The following ANKRD30B variants were observed in gnomAD, a reference collection of about 807,000 sequenced individuals.
The protein encoded by ANKRD30B is ankyrin repeat domain-containing protein 30B.
In ANKRD30B, 144 loss-of-function variants were observed where a neutral mutation model predicts 202.2. The observed-to-expected ratio is 0.71, with a 90% CI of 0.62 to 0.82. The LOEUF (loss-of-function observed/expected upper bound fraction) is 0.82, where lower values mean the gene tolerates loss of function less well. Among genes scored for constraint, ANKRD30B ranks in the 40% least tolerant of loss-of-function variants. The pLI is 0.00. For missense variants in ANKRD30B, 1,487 were observed against 1,669.1 expected (o/e 0.89, Z 1.90); for synonymous variants, 508 against 561.3 (o/e 0.91, Z 1.34).
chr18:14,831,189 A>AAAAAAAAAAAC lies in ANKRD30B; in HGVS notation c.2775-184_2775-183insCAAAAAAAAAA, dbSNP rs1490258740. 1.1e-4 allele frequency among the ~76,000 whole-genome samples: 17 copies of AAAAAAAAAAAC among 150,762 alleles called. 1 individual carries two copies. The highest frequency in any genetic ancestry group is 2.5e-4 in the Non-Finnish European group (17 of 67,724). On this transcript the variant is annotated intron_variant, in intron 33 of 43. Transcript: ENST00000690538. ...AGCGAGACTCCGTCTCGGAAAAAAA[A>AAAAAAAAAAAC]AAAAAAAAAAACGAAAACCAGATGG... is the stretch of plus-strand genomic sequence containing the variant.
chr18:14,910,342 T>C, the ANKRD30B span, among the ~76,000 whole-genome samples: 3 of 152,092 alleles, frequency 2.0e-5, no homozygotes, highest in Non-Finnish European at 4.4e-5. Flanking sequence ...GCATTTGACT[T>C]TTCTCCTTCT....
At chr18:14,807,193 G>C (rs1440564339) in intron 24 of ANKRD30B, among the ~76,000 whole-genome samples, 2 of 150,856 alleles carry the variant, frequency 1.3e-5, no homozygotes, top group African/African-American at 2.5e-5. Context: ...ATTAAAGTGT[G>C]TCTTACTGAA....
chr18:14,753,432 A>C (rs1200359991), intron 3 of ANKRD30B, among the ~76,000 whole-genome samples: 1 of 152,140 alleles, frequency 6.6e-6, no homozygotes, highest in African/African-American at 2.4e-5. Context: ...TTGGTATGCT[A>C]AGAGAACGTT....
chr18:14,938,888 G>T, the ANKRD30B span, among the ~76,000 whole-genome samples: 2 of 152,146 alleles, frequency 1.3e-5, no homozygotes, highest in East Asian at 3.9e-4. Context: ...TTTAGGTTCT[G>T]CAGGGTATAA....
chr18:14,762,331 A>G (rs1278051900), intron 6 of ANKRD30B, among the ~76,000 whole-genome samples: 2 of 152,226 alleles, frequency 1.3e-5, no homozygotes, highest in African/African-American at 4.8e-5. Context: ...TTTGGAATTT[A>G]ATAATACTTT....
At chr18:14,827,488 G>T (rs1443906923) in intron 32 of ANKRD30B, among the ~76,000 whole-genome samples, 1 of 152,114 alleles carries the variant, frequency 6.6e-6, no homozygotes, top group Non-Finnish European at 1.5e-5. Flanking sequence ...AGATAGACAG[G>T]GTTGGAATTA....
Position 14,831,842 on chromosome 18 carries a change from A to G in ANKRD30B, c.2847+387A>G, listed in dbSNP as rs1351435715. On this transcript the variant is annotated intron_variant, in intron 34 of 43. Transcript: ENST00000690538. ...TTACTGTGACTTTTAAAATTATTCT[A>G]TTGTAACTTTAAAAACACCTCATCC... Among the ~76,000 whole-genome samples the G allele has an allele frequency of 2.0e-5, 3 of 152,206 alleles. No individual in the cohort carries two copies. In the East Asian group the frequency reaches 5.8e-4, roughly 29 times the overall value.
At chr18:14,876,707 C>T in the ANKRD30B span, among the ~76,000 whole-genome samples, 2 of 152,174 alleles carry the variant, frequency 1.3e-5, no homozygotes, top group African/African-American at 2.4e-5. Flanking sequence ...AGATGCTGGG[C>T]ACAGGTATAT....
chr18:14,871,703 G>T, the ANKRD30B span, among the ~76,000 whole-genome samples: 36 of 151,916 alleles, frequency 2.4e-4, no homozygotes, highest in Non-Finnish European at 5.0e-4. Flanking sequence ...GACCAGCCTG[G>T]GTAACATAGC....
rs1197931534 is a variant in ANKRD30B at position 14,748,469 on chromosome 18, C to A, written c.50C>A (p.Pro17His). The change falls in exon 1 of 44, where the codon CCC becomes CAC. Residue 17 changes from proline to histidine, a missense_variant. Transcript: ENST00000690538. Reference protein sequence around the residue: ...AAGKGVRGPEPPNPFSERVYT... With the variant: ...AAGKGVRGPEHPNPFSERVYT... ...GGCAAGGGCGTGCGGGGCCCGGAGC[C>A]CCCGAACCCCTTCAGCGAACGGGTC... The A allele has an allele frequency of 6.5e-7, 1 of 1,543,730 alleles. No homozygotes were observed. The highest frequency in any genetic ancestry group is 2.0e-5 in the Admixed American group (1 of 50,136).
At chr18:14,752,086 T>C (rs563196380) in intron 1 of ANKRD30B, among the ~76,000 whole-genome samples, 1 of 152,312 alleles carries the variant, frequency 6.6e-6, no homozygotes, top group South Asian at 2.1e-4. Context: ...GTAGGCATAA[T>C]TGCACCATTT....
At chr18:14,860,413 TCCC>T in the ANKRD30B span, among the ~76,000 whole-genome samples, 1 of 113,326 alleles carries the variant, frequency 8.8e-6, no homozygotes, top group Non-Finnish European at 1.8e-5. Context: ...GCTCCTCACC[TCCC>T]AGATGGGGCA....
At chr18:14,915,788 G>A in the ANKRD30B span, among the ~76,000 whole-genome samples, 9 of 152,110 alleles carry the variant, frequency 5.9e-5, no homozygotes, top group African/African-American at 1.2e-4. Flanking sequence ...GTCCTGATAC[G>A]TAGATATAGT....
the ANKRD30B span, among the ~76,000 whole-genome samples, chr18:14,860,402 C>T: frequency 7.8e-4 from 92 of 118,356 alleles, 5 homozygotes; most frequent in African/African-American, 3.0e-3. Context: ...CGGGCAGAGG[C>T]GCTCCTCACC....
At chr18:14,917,475 G>A in the ANKRD30B span, among the ~76,000 whole-genome samples, 1 of 152,142 alleles carries the variant, frequency 6.6e-6, no homozygotes, top group African/African-American at 2.4e-5. Context: ...CCTGCCTGCA[G>A]ACACGGGGTC....
chr18:14,894,907 A>T, the ANKRD30B span, among the ~76,000 whole-genome samples: 52 of 149,436 alleles, frequency 3.5e-4, no homozygotes, highest in African/African-American at 1.2e-3. Context: ...AGTGGGCAAA[A>T]TCTGGACACA....
intron 3 of ANKRD30B, among the ~76,000 whole-genome samples, chr18:14,754,253 A>T (rs1371953357): frequency 3.3e-5 from 5 of 152,180 alleles, no homozygotes; most frequent in African/African-American, 4.8e-5. Context: ...GAGAGTTTGT[A>T]TCACCTACAG....
chr18:14,837,798 G>A (rs750278026), intron 36 of ANKRD30B, 122 bp downstream of exon 36: 49 of 1,161,636 alleles, frequency 4.2e-5, no homozygotes, highest in Admixed American at 1.8e-4. Flanking sequence ...GGTGGATCAC[G>A]AGGTCAGGAG....
At chr18:14,842,784 A>G in intron 37 of ANKRD30B, 113 bp from the exon 38 acceptor site, 1 of 1,030,276 alleles carries the variant, frequency 9.7e-7, no homozygotes, top group South Asian at 1.7e-5. Context: ...CTAAACCTAA[A>G]GGAATCATTC....
Sources: gnomAD v4.1 joint callset for allele counts (sites outside exome capture counted in the v4.1 genomes callset) on GRCh38, gnomAD v4.1.1 for gene constraint, MANE v1.5 for transcripts, NCBI Gene and HGNC (gene_info 2026-07-23, HGNC 2026-07-21) for gene names.